The following CACNA1E variants were observed in gnomAD, a reference collection of about 807,000 sequenced individuals.
CACNA1E encodes voltage-dependent R-type calcium channel subunit alpha-1E.
A neutral mutation model predicts 259.2 loss-of-function variants in CACNA1E; 40 were observed. That is an observed-to-expected ratio of 0.15 (90% confidence interval 0.12 to 0.20). The LOEUF (loss-of-function observed/expected upper bound fraction) is 0.20. Ranked by LOEUF, CACNA1E falls within the 10% of genes least tolerant of loss-of-function variation. The pLI, the probability that CACNA1E is intolerant of heterozygous loss-of-function variation, is 1.00. For synonymous variants in CACNA1E, 1,104 were observed against 1,138.5 expected (o/e 0.97, Z 0.61); for missense variants, 1,874 against 3,040.1 (o/e 0.62, Z 9.02).
intron 21 of CACNA1E, 40 bp downstream of exon 21, chr1:181,733,790 T>C (rs1655764163): frequency 7.1e-7 from 1 of 1,407,916 alleles, no homozygotes; most frequent in Non-Finnish European, 9.4e-7. Context: ...CCCCAACTCC[T>C]ATCCCATCTG....
chr1:181,514,495 C>G (rs1035000910), intron 3 of CACNA1E, among the ~76,000 whole-genome samples: 1 of 152,194 alleles, frequency 6.6e-6, no homozygotes, highest in African/African-American at 2.4e-5. Context: ...GTTTTGACCC[C>G]TGCCCTGTGC....
At chr1:181,607,945 A>G (rs1373032695) in intron 6 of CACNA1E, among the ~76,000 whole-genome samples, 1 of 152,154 alleles carries the variant, frequency 6.6e-6, no homozygotes, top group Admixed American at 6.5e-5. Context: ...GAGAAGCCAT[A>G]CTTAGACCCT....
Position 181,582,500 on chromosome 1 carries a change from G to A in CACNA1E, c.951+1724G>A, listed in dbSNP as rs762184713. Among the ~76,000 whole-genome samples the A allele has an allele frequency of 4.2e-4, 64 of 152,378 alleles. No homozygotes were observed. In the Middle Eastern group the frequency reaches 0.027, roughly 65 times the overall value. On this transcript the variant is annotated intron_variant, in intron 6 of 47. Coordinates refer to ENST00000367573, the MANE Select transcript of CACNA1E (RefSeq NM_001205293.3). ...ATTATATGTGTAGACTCACCTAAGTGATGTGATAAATGCATTGAAAGCCTG... is the reference window on the plus strand; with the variant it reads ...ATTATATGTGTAGACTCACCTAAGTAATGTGATAAATGCATTGAAAGCCTG...
intron 3 of CACNA1E, among the ~76,000 whole-genome samples, chr1:181,523,170 T>C (rs1667115154): frequency 6.6e-6 from 1 of 152,172 alleles, no homozygotes; most frequent in Non-Finnish European, 1.5e-5. Context: ...GGGTGGGATC[T>C]CCCTACTGGG....
At chr1:181,322,326 G>A (rs181921360) in intron 1 of CACNA1E, among the ~76,000 whole-genome samples, 1 of 152,310 alleles carries the variant, frequency 6.6e-6, no homozygotes, top group Non-Finnish European at 1.5e-5. Context: ...GACAAAGGGA[G>A]AAGGAGAGAC....
At position 181,320,164 on chromosome 1, in the gene CACNA1E, G is replaced by A. The variant is rs6671273; in HGVS notation, c.-15+2041G>A. 9.4e-3 allele frequency among the ~76,000 whole-genome samples: 1,428 copies of A among 152,270 alleles called. 26 individuals are homozygous for A. The highest frequency in any genetic ancestry group is 0.032 in the African/African-American group (1,323 of 41,548). On this transcript the variant is annotated intron_variant, in intron 1 of 11. Coordinates refer to the CACNA1E transcript ENST00000524607. The stretch of plus-strand genomic sequence containing the variant: ...CACATGGTTGAGCTATCGGATCATC[G>A]CTGTCACAGCGCCTCCACTCCTTGA...
intron 1 of CACNA1E, among the ~76,000 whole-genome samples, chr1:181,397,774 C>G (rs1161794873): frequency 6.6e-6 from 1 of 152,196 alleles, no homozygotes; most frequent in Non-Finnish European, 1.5e-5. Context: ...AGCTCCGCAG[C>G]CCTGGGGATT....
At chr1:181,373,996 A>G (rs1325657043) in intron 1 of CACNA1E, among the ~76,000 whole-genome samples, 2 of 152,070 alleles carry the variant, frequency 1.3e-5, no homozygotes, top group Admixed American at 1.3e-4. Flanking sequence ...TTGCATCTCA[A>G]TTTCATTCAG....
In CACNA1E at chr1:181,776,539, A is replaced by G. The variant is rs1181916705; in HGVS notation, c.5267+311A>G. Among the ~76,000 whole-genome samples, 1 of 152,130 alleles carries G rather than the reference A, an allele frequency of 6.6e-6. No individual in the cohort carries two copies. Among genetic ancestry groups the G allele is most frequent in the African/African-American group, 2.4e-5 (1 of 41,424 alleles). On this transcript the variant is annotated intron_variant, in intron 38 of 47. Transcript: ENST00000367573. The surrounding 1 kb of genome is among the most constrained non-coding windows in gnomAD (Gnocchi z 4.4). Reference sequence around the variant, plus strand: ...ACTTTCCAATAATCTTTTTCTGCCAATGGTTAGTGGACTCCTTTGAGTTAT... The same window carrying G: ...ACTTTCCAATAATCTTTTTCTGCCAGTGGTTAGTGGACTCCTTTGAGTTAT...
chr1:181,751,986 T>A lies in CACNA1E; in HGVS notation c.3732-157T>A, dbSNP rs531805020. On this transcript the variant is annotated intron_variant, in intron 26 of 47. Coordinates refer to ENST00000367573, the MANE Select transcript of CACNA1E (RefSeq NM_001205293.3). The stretch of plus-strand genomic sequence containing the variant: ...TTCCTGAAGCATTTTTCGCAGGATG[T>A]CCCTGGAGTCAAATCTGACTCAGTT... 5.7e-6 allele frequency: 4 copies of A among 707,156 alleles called. No homozygotes were observed. The East Asian group carries it at 8.1e-5, about 14-fold the overall frequency. 43.8% of individuals were successfully genotyped at this position (707,156 alleles called of 1,614,324 possible).
At chr1:181,348,622 C>G in intron 1 of CACNA1E, among the ~76,000 whole-genome samples, 1 of 152,086 alleles carries the variant, frequency 6.6e-6, no homozygotes, top group Middle Eastern at 3.2e-3. Flanking sequence ...ATTGTTGCCT[C>G]AGTGGTTTTT....
At chr1:181,567,501 A>G (rs1364566380) in intron 3 of CACNA1E, among the ~76,000 whole-genome samples, 1 of 152,194 alleles carries the variant, frequency 6.6e-6, no homozygotes, top group Non-Finnish European at 1.5e-5. Context: ...CCAACCAACC[A>G]ATCAGAAACA....
intron 2 of CACNA1E, among the ~76,000 whole-genome samples, chr1:181,465,074 T>G (rs1662070159): frequency 6.6e-6 from 1 of 152,136 alleles, no homozygotes; most frequent in African/African-American, 2.4e-5. Context: ...TGAACTTGTA[T>G]AGTAAACTCT....
At chr1:181,449,726 T>C (rs904964610) in intron 2 of CACNA1E, among the ~76,000 whole-genome samples, 1 of 152,212 alleles carries the variant, frequency 6.6e-6, no homozygotes, top group Non-Finnish European at 1.5e-5. Flanking sequence ...GATGACCTTA[T>C]GTGAAGGTGC....
At chr1:181,633,679 A>G (rs1656952818) in intron 6 of CACNA1E, among the ~76,000 whole-genome samples, 1 of 148,620 alleles carries the variant, frequency 6.7e-6, no homozygotes, top group South Asian at 2.1e-4. Context: ...TTTGGTAGAG[A>G]CAGGGTTTCA....
At chr1:181,509,267 C>G (rs570805823) in intron 1 of CACNA1E, among the ~76,000 whole-genome samples, 1 of 152,274 alleles carries the variant, frequency 6.6e-6, no homozygotes, top group East Asian at 1.9e-4. Context: ...TGGGTGCTAA[C>G]TTAACATTGT....
chr1:181,715,625 T>C (rs1482965184), intron 9 of CACNA1E, among the ~76,000 whole-genome samples: 1 of 152,166 alleles, frequency 6.6e-6, no homozygotes, highest in Non-Finnish European at 1.5e-5. Context: ...TTCCAGGGCA[T>C]GTGATTGATA....
rs771579568 is a variant in CACNA1E, at chr1:181,800,791, T to C, written c.*1957T>C. 6.5e-6 allele frequency: 1 copy of C among 152,702 alleles called. No individual in the cohort carries two copies. The highest frequency in any genetic ancestry group is 1.5e-5 in the Non-Finnish European group (1 of 68,068). The allele number at this position is 152,702 out of a possible 1,614,324, so 9.5% of individuals were successfully genotyped here. On this transcript the variant is annotated 3_prime_UTR_variant, in exon 48 of 48. Coordinates refer to ENST00000367573, the MANE Select transcript of CACNA1E (RefSeq NM_001205293.3). ...GAAAAGCCAAATTCAACCACATGGC[T>C]GGAGAATCATTTGTCATGGCCCCGC... is the stretch of plus-strand genomic sequence containing the variant.
At chr1:181,425,531 T>TCCCCCCCCCCCCCCCC (rs1201398954) in intron 2 of CACNA1E, among the ~76,000 whole-genome samples, 1 of 57,726 alleles carries the variant, frequency 1.7e-5, no homozygotes, top group Non-Finnish European at 3.5e-5. Context: ...ACACCCCCGC[T>TCCCCCCCCCCCCCCCC]CCCCCCCCCG....
Sources: allele counts gnomAD v4.1 joint callset (sites outside exome capture counted in the v4.1 genomes callset), GRCh38; gene constraint gnomAD v4.1.1; non-coding constraint Gnocchi (gnomAD v3.1); transcripts MANE v1.5; gene names NCBI Gene and HGNC (gene_info 2026-07-23, HGNC 2026-07-21).